Variants in EXT2 observed in about 807,000 individuals in gnomAD.
EXT2 encodes exostosin glycosyltransferase 2, also known as exostosin-2.
EXT2 carries 53 observed loss-of-function variants against 81.6 expected under a neutral mutation model. The ratio of observed to expected loss-of-function variants is 0.65; its 90% CI spans 0.52 to 0.82. The LOEUF (loss-of-function observed/expected upper bound fraction) is 0.82, where lower values mean the gene tolerates loss of function less well. Ranked by LOEUF, EXT2 falls within the 40% of genes least tolerant of loss-of-function variation. EXT2 has a pLI of 0.00. For missense variants in EXT2, 774 were observed against 910.2 expected, an observed-to-expected ratio of 0.85 and a Z score of 1.93; for synonymous variants, 320 against 340.0, an observed-to-expected ratio of 0.94 and a Z score of 0.65.
chr11:44,224,348 CTATCTA>C (rs1021953069), intron 10 of EXT2, among the ~76,000 whole-genome samples: 8 of 151,804 alleles, frequency 5.3e-5, no homozygotes, highest in Non-Finnish European at 7.4e-5. Flanking sequence ...GGAGATCTAT[CTATCTA>C]TATCTATATC....
At chr11:44,151,772 G>A (rs1430853082) in intron 7 of EXT2, among the ~76,000 whole-genome samples, 1 of 152,134 alleles carries the variant, frequency 6.6e-6, no homozygotes, top group Non-Finnish European at 1.5e-5. Flanking sequence ...AATACGTTTA[G>A]TTTTGTAGGA....
At chr11:44,165,496 T>C (rs1954983305) in intron 7 of EXT2, among the ~76,000 whole-genome samples, 1 of 152,230 alleles carries the variant, frequency 6.6e-6, no homozygotes, top group Non-Finnish European at 1.5e-5. Flanking sequence ...TCTGAGTGAA[T>C]TGCAATTTGG....
At chr11:44,214,139 G>A (rs770792027) in intron 10 of EXT2, among the ~76,000 whole-genome samples, 2 of 151,438 alleles carry the variant, frequency 1.3e-5, no homozygotes, top group African/African-American at 4.9e-5. Context: ...TTTTTGAGAC[G>A]GAGTCTCTCT....
intron 10 of EXT2, among the ~76,000 whole-genome samples, chr11:44,225,818 G>A (rs763571740): frequency 1.3e-5 from 2 of 152,110 alleles, no homozygotes; most frequent in African/African-American, 4.8e-5. Flanking sequence ...GTGCAATGAG[G>A]GAACTGGACC....
intron 10 of EXT2, among the ~76,000 whole-genome samples, chr11:44,216,932 C>T (rs1008352588): frequency 1.3e-5 from 2 of 150,032 alleles, no homozygotes; most frequent in Admixed American, 6.7e-5. Context: ...CATCCTTTGT[C>T]AAATCATTGC....
intron 10 of EXT2, among the ~76,000 whole-genome samples, chr11:44,218,322 G>A (rs1324981507): frequency 6.6e-6 from 1 of 152,170 alleles, no homozygotes; most frequent in African/African-American, 2.4e-5. Context: ...CTTGGTGTGT[G>A]TGGTAGTACA....
chr11:44,156,836 T>C lies in EXT2; in HGVS notation c.1174-14775T>C, dbSNP rs1954861921. ...TAGGTATTTATTGTAGTCTCTGCAG[T>C]CTGGGCTTGTTTGTACCCATCCTTC... On this transcript the variant is annotated intron_variant, in intron 7 of 13. Transcript: ENST00000533608. 3.3e-5 allele frequency among the ~76,000 whole-genome samples: 5 copies of C among 152,212 alleles called. No homozygotes were observed. The South Asian group carries it at 1.0e-3, about 31-fold the overall frequency.
At chr11:44,177,142 T>A (rs1955169611) in intron 8 of EXT2, among the ~76,000 whole-genome samples, 1 of 152,228 alleles carries the variant, frequency 6.6e-6, no homozygotes, top group Non-Finnish European at 1.5e-5. Context: ...CTGGAGAGAT[T>A]GACCTTTTGT....
intron 1 of EXT2, among the ~76,000 whole-genome samples, chr11:44,106,273 A>G (rs79621454): frequency 0.15 from 22,747 of 152,050 alleles, 1,861 homozygotes; most frequent in African/African-American, 0.22. Flanking sequence ...TGAATCTACC[A>G]CATTGGCCCT....
rs1954091429 is a variant in EXT2 at position 44,108,241 on chromosome 11, C to A, written c.529C>A (p.Leu177Ile). Residue 177 changes from leucine to isoleucine, a missense_variant, in exon 2 of 14, where the codon CTC becomes ATC. Around this residue, in one of 2 missense-constraint regions of EXT2, gnomAD observed 626 missense variants for 670.5 expected, o/e 0.93. Transcript: ENST00000533608. The stretch of plus-strand genomic sequence containing the variant: ...GGAGACAGCACAAGCGATGGCCCAG[C>A]TCTCTAGGTATCTCACACTCATACA... ...IKETAQAMAQ[L>I]SRWDRGTNHL... 3 of 1,612,082 alleles carry A rather than the reference C, an allele frequency of 1.9e-6. No homozygotes were observed. Among genetic ancestry groups the A allele is most frequent in the African/African-American group, 2.7e-5 (2 of 75,058 alleles).
chr11:44,125,285 G>A (rs968005536), intron 5 of EXT2, among the ~76,000 whole-genome samples: 2 of 152,152 alleles, frequency 1.3e-5, no homozygotes, highest in Non-Finnish European at 2.9e-5. Context: ...GCAGGCAAAT[G>A]TATCTTGCTT....
At chr11:44,241,923 G>A (rs562314724) in intron 13 of EXT2, among the ~76,000 whole-genome samples, 2 of 152,212 alleles carry the variant, frequency 1.3e-5, no homozygotes, top group African/African-American at 2.4e-5. Context: ...GAGGCCTGCC[G>A]CTTCTCCAGT....
At chr11:44,219,960 C>T (rs1955764718) in intron 10 of EXT2, among the ~76,000 whole-genome samples, 1 of 152,228 alleles carries the variant, frequency 6.6e-6, no homozygotes, top group Non-Finnish European at 1.5e-5. Flanking sequence ...TGACTCAGAT[C>T]GTTGAGCCTA....
At chr11:44,107,568 A>G (rs895531396) in intron 1 of EXT2, 115 bp from the exon 2 acceptor site, 2 of 941,174 alleles carry the variant, frequency 2.1e-6, no homozygotes, top group Non-Finnish European at 3.1e-6. Flanking sequence ...TGAGTGACAG[A>G]GTGAAACCCT....
At chr11:44,192,602 T>C (rs2135173549) in intron 8 of EXT2, among the ~76,000 whole-genome samples, 1 of 152,268 alleles carries the variant, frequency 6.6e-6, no homozygotes, top group South Asian at 2.1e-4. Context: ...TGCTTTAAAC[T>C]CTAATTCATA....
chr11:44,109,313 G>T (rs957877508), intron 3 of EXT2, 30 bp downstream of exon 3: 1 of 1,560,696 alleles, frequency 6.4e-7, no homozygotes, highest in Non-Finnish European at 8.8e-7. Flanking sequence ...CTGTCCTTAT[G>T]ATGGGTTCAA....
chr11:44,144,476 G>A (rs1954689396), intron 7 of EXT2: 3 of 738,330 alleles, frequency 4.1e-6, no homozygotes, highest in Admixed American at 2.7e-5. Flanking sequence ...TCTTGGAGGT[G>A]CAAGCCACTG....
chr11:44,207,230 A>G (rs188961948), intron 10 of EXT2, among the ~76,000 whole-genome samples: 6 of 152,344 alleles, frequency 3.9e-5, no homozygotes, highest in African/African-American at 1.4e-4. Flanking sequence ...AAGAGCATCT[A>G]TAGCATTTAA....
chr11:44,141,130 A>G (rs1954639845), intron 7 of EXT2, among the ~76,000 whole-genome samples: 1 of 152,246 alleles, frequency 6.6e-6, no homozygotes, highest in South Asian at 2.1e-4. Context: ...AGTCTCTGCT[A>G]CAAAATGGCA....
Sources: allele counts gnomAD v4.1 joint callset (sites outside exome capture counted in the v4.1 genomes callset), GRCh38; gene constraint gnomAD v4.1.1; regional missense constraint gnomAD v4.1.1; transcripts MANE v1.5; gene names NCBI Gene and HGNC (gene_info 2026-07-23, HGNC 2026-07-21).